The following ZNF282 variants were observed in gnomAD, a reference collection of about 807,000 sequenced individuals.
ZNF282 encodes HTLV-I U5 repressive element-binding protein 1.
In ZNF282, 30 loss-of-function variants were observed where a neutral mutation model predicts 61.9. The ratio of observed to expected loss-of-function variants is 0.48; its 90% CI spans 0.36 to 0.66. The LOEUF (loss-of-function observed/expected upper bound fraction) is 0.66. Among genes scored for constraint, ZNF282 ranks in the 30% least tolerant of loss-of-function variants. ZNF282 has a pLI of 0.00. For synonymous variants in ZNF282, 396 were observed against 405.0 expected (o/e 0.98, Z 0.27); for missense variants, 788 against 941.4 (o/e 0.84, Z 2.13).
In ZNF282 at chr7:149,224,793, G is replaced by A. The variant is rs188454608; in HGVS notation, c.*146G>A. ...TGGGGGTCCCCCAGGGTGGGGCAGG[G>A]ATCCCCCAGATCTGTCTGGTCTGAA... On this transcript the variant is annotated 3_prime_UTR_variant, in exon 8 of 8. Coordinates refer to ENST00000610704, the MANE Select transcript of ZNF282 (RefSeq NM_003575.4). 4.3e-3 allele frequency: 5,735 copies of A among 1,332,866 alleles called. 21 individuals are homozygous for A. Among genetic ancestry groups the A allele is most frequent in the Middle Eastern group, 0.014 (53 of 3,694 alleles). 82.6% of individuals were successfully genotyped at this position (1,332,866 alleles called of 1,614,324 possible).
rs1426215096 is a variant in ZNF282 at position 149,206,722 on chromosome 7, T to C, written c.612T>C (p.Ala204=). 4 of 1,614,102 alleles carry C rather than the reference T, an allele frequency of 2.5e-6. No homozygotes were observed. Among genetic ancestry groups the C allele is most frequent in the South Asian group, 1.1e-5 (1 of 91,092 alleles). ...TTCCAGTGACTTTTGTCGACATTGC[T>C]GTGTACTTCTCCGAAGACGAGTGGA... The part of the protein sequence containing the change: ...PKVPVTFVDI[A]VYFSEDEWKN... The change falls in exon 3 of 8, where the codon GCT becomes GCC. Residue 204 remains alanine, a synonymous_variant. Transcript: ENST00000610704.
In ZNF282 at chr7:149,212,414, T is replaced by C; in HGVS notation, c.1009T>C (p.Cys337Arg). The C allele has an allele frequency of 2.5e-6, 4 of 1,613,410 alleles. No homozygotes were observed. The highest frequency in any genetic ancestry group is 3.4e-6 in the Non-Finnish European group (4 of 1,179,730). ...LSRIKQEEHQ[C>R]VWDQQDLADR... is the part of the protein sequence containing the mutation. ...CCGGATTAAACAGGAGGAGCATCAG[T>C]GCGTGTGGGATCAGCAGGATTTGGC... is the stretch of plus-strand genomic sequence containing the variant. The change falls in exon 6 of 8, where the codon TGC becomes CGC. Residue 337 changes from cysteine to arginine, a missense_variant. Physicochemically the swap from Cys to Arg is radical, Grantham distance 180 (BLOSUM62 -3). Coordinates refer to ENST00000610704, the MANE Select transcript of ZNF282 (RefSeq NM_003575.4).
At chr7:149,214,122 C>T (rs1450331438) in intron 7 of ZNF282, among the ~76,000 whole-genome samples, 1 of 152,168 alleles carries the variant, frequency 6.6e-6, no homozygotes, top group East Asian at 1.9e-4. Context: ...CTCCAGACTT[C>T]CTCTGAAGTC....
In ZNF282 at chr7:149,195,604, A is replaced by G. The variant is rs1795800685; in HGVS notation, c.15A>G (p.Ser5=). MQFV[S]TRPQPQQLGI... is the part of the protein sequence containing the mutation. ...GCACTCCCAGGATGCAGTTTGTGTC[A>G]ACACGGCCGCAGCCTCAGCAGCTGG... Residue 5 remains serine, a synonymous_variant, in exon 1 of 8, where the codon TCA becomes TCG. Coordinates refer to ENST00000610704, the MANE Select transcript of ZNF282 (RefSeq NM_003575.4). The G allele has an allele frequency of 2.5e-6, 4 of 1,611,020 alleles. No individual in the cohort carries two copies. Among genetic ancestry groups the G allele is most frequent in the Non-Finnish European group, 3.4e-6 (4 of 1,178,938 alleles).
chr7:149,214,578 C>A (rs1253639299), intron 7 of ZNF282, among the ~76,000 whole-genome samples: 3 of 152,084 alleles, frequency 2.0e-5, no homozygotes, highest in Non-Finnish European at 4.4e-5. Context: ...ACCCATGATC[C>A]CAGCACTTTG....
At chr7:149,197,349 A>T (rs896143889) in intron 1 of ZNF282, among the ~76,000 whole-genome samples, 95 of 152,312 alleles carry the variant, frequency 6.2e-4, no homozygotes, top group African/African-American at 2.1e-3. Context: ...ACCTATTTTC[A>T]ATTTGGAAAA....
chr7:149,210,559 A>C (rs1290808909), intron 4 of ZNF282, 26 bp from the exon 5 acceptor site: 1 of 1,605,886 alleles, frequency 6.2e-7, no homozygotes, highest in Admixed American at 1.7e-5. Context: ...AAAAAGACAC[A>C]AAGCAATGTC....
At chr7:149,223,762 G>A (rs1585579128) in intron 7 of ZNF282, 50 bp from the exon 8 acceptor site, 2 of 1,442,886 alleles carry the variant, frequency 1.4e-6, no homozygotes, top group South Asian at 1.5e-5. Context: ...GCAGTGTGGG[G>A]TCCTGGCCGA....
At chr7:149,219,612 C>T (rs1369277290) in intron 7 of ZNF282, among the ~76,000 whole-genome samples, 1 of 151,992 alleles carries the variant, frequency 6.6e-6, no homozygotes, top group African/African-American at 2.4e-5. Context: ...TTTGGGAGGC[C>T]GAGGCAGGTG....
chr7:149,217,505 A>G (rs1433217752), intron 7 of ZNF282, among the ~76,000 whole-genome samples: 3 of 152,188 alleles, frequency 2.0e-5, no homozygotes, highest in Non-Finnish European at 4.4e-5. Context: ...CGGAGGTTGC[A>G]GTGAGCCAAG....
chr7:149,211,990 A>G (rs935852733), intron 5 of ZNF282, among the ~76,000 whole-genome samples: 1 of 152,152 alleles, frequency 6.6e-6, no homozygotes, highest in South Asian at 2.1e-4. Flanking sequence ...ATAATTTGTC[A>G]ATATATAATT....
At chr7:149,216,065 A>G (rs113710147) in intron 7 of ZNF282, among the ~76,000 whole-genome samples, 2 of 152,268 alleles carry the variant, frequency 1.3e-5, no homozygotes, top group Admixed American at 6.5e-5. Flanking sequence ...TTAAGTTTGG[A>G]TATCATAGAA....
rs1796342908 is a variant in ZNF282 at position 149,224,914 on chromosome 7, C to A, written c.*267C>A. 3.9e-6 allele frequency: 2 copies of A among 509,356 alleles called. No individual in the cohort carries two copies. Among genetic ancestry groups the A allele is most frequent in the Admixed American group, 7.1e-5 (2 of 28,134 alleles). The allele number at this position is 509,356 out of a possible 1,614,324, so 31.6% of individuals were successfully genotyped here. A position where few individuals can be genotyped will look rare whatever the true frequency, so the allele number is the denominator to read the frequency against. ...GTCCTCGGGCACCGCCCTCACACCT[C>A]CTCGAGTGCCCTGGGACCACTGGGC... is the stretch of plus-strand genomic sequence containing the variant. On this transcript the variant is annotated 3_prime_UTR_variant, in exon 8 of 8. Transcript: ENST00000610704.
chr7:149,205,311 G>A (rs1294627671), intron 2 of ZNF282, among the ~76,000 whole-genome samples: 1 of 150,526 alleles, frequency 6.6e-6, no homozygotes, highest in Non-Finnish European at 1.5e-5. Context: ...GGTGGCAAGC[G>A]CCTGTAATCC....
At chr7:149,220,188 C>T (rs1301871211) in intron 7 of ZNF282, among the ~76,000 whole-genome samples, 5 of 152,120 alleles carry the variant, frequency 3.3e-5, no homozygotes, top group African/African-American at 1.2e-4. Flanking sequence ...ACGGGCGGAT[C>T]CTGAGGTCAG....
intron 7 of ZNF282, among the ~76,000 whole-genome samples, chr7:149,218,515 C>T (rs1440545397): frequency 1.3e-5 from 2 of 152,166 alleles, no homozygotes; most frequent in Non-Finnish European, 2.9e-5. Context: ...TTTGAGGTGA[C>T]ACTCAAGTAG....
Position 149,224,215 on chromosome 7 carries a change from C to T in ZNF282, c.1584C>T (p.Gly528=), listed in dbSNP as rs912753028. Residue 528 remains glycine (G), a synonymous_variant, in exon 8 of 8, where the codon GGC becomes GGT. Coordinates refer to ENST00000610704, the MANE Select transcript of ZNF282 (RefSeq NM_003575.4). ...GCCCCGAGTGCGGCAAGAGCTTCGG[C>T]GTGCGCAAGAGCCTCATCATCCACC... ...YSCPECGKSF[G]VRKSLIIHHR... is the part of the protein sequence containing the mutation. The T allele has an allele frequency of 3.1e-6, 5 of 1,609,436 alleles. No homozygotes were observed. Among genetic ancestry groups the T allele is most frequent in the South Asian group, 1.1e-5 (1 of 91,070 alleles).
chr7:149,212,525 A>G (rs749271752), intron 6 of ZNF282, 54 bp downstream of exon 6: 1 of 1,316,538 alleles, frequency 7.6e-7, no homozygotes, highest in Non-Finnish European at 1.1e-6. Flanking sequence ...TTCAAAAGGA[A>G]TCATTAAATT....
intron 1 of ZNF282, among the ~76,000 whole-genome samples, chr7:149,196,159 C>A (rs1234835266): frequency 6.6e-6 from 1 of 152,278 alleles, no homozygotes; most frequent in African/African-American, 2.4e-5. Flanking sequence ...GTGAATGCCT[C>A]GTTCGTGTTT....
Sources: allele counts gnomAD v4.1 joint callset (sites outside exome capture counted in the v4.1 genomes callset), GRCh38; gene constraint gnomAD v4.1.1; transcripts MANE v1.5; gene names NCBI Gene and HGNC (gene_info 2026-07-23, HGNC 2026-07-21).